NECTIN3: variants seen among roughly 807,000 people sequenced by gnomAD.
NECTIN3 encodes the protein nectin cell adhesion molecule 3.
Under a neutral mutation model 49.4 loss-of-function variants are expected in NECTIN3, and 8 were observed. That is an observed-to-expected ratio of 0.16 (90% confidence interval 0.10 to 0.29). NECTIN3 has a LOEUF of 0.29. Ranked by LOEUF, NECTIN3 falls within the 10% of genes least tolerant of loss-of-function variation. The probability of loss-of-function intolerance (pLI) is 1.00; values close to 1 mark genes in which losing one functional copy is unlikely to be tolerated. For missense variants in NECTIN3, 581 were observed against 654.6 expected (o/e 0.89, Z 1.23); for synonymous variants, 277 against 241.1 (o/e 1.15, Z -1.38).
intron 1 of NECTIN3, among the ~76,000 whole-genome samples, chr3:111,080,928 CTT>C (rs1157763673): frequency 6.6e-6 from 1 of 152,090 alleles, no homozygotes; most frequent in African/African-American, 2.4e-5. Flanking sequence ...AAAAATGAGA[CTT>C]TTGAGCTATG....
rs570240760 is a variant in NECTIN3 at position 111,099,502 on chromosome 3, A to G, written c.161-12528A>G. On this transcript the variant is annotated intron_variant, in intron 1 of 5. Transcript: ENST00000485303. ...AGTTCTTGGAATTTGTAGCTATACA[A>G]TCTTCTGTGTTGTAGAACATAGTAT... 4.6e-5 allele frequency among the ~76,000 whole-genome samples: 7 copies of G among 152,312 alleles called. No individual in the cohort carries two copies. The South Asian group carries it at 6.2e-4, about 14-fold the overall frequency.
intron 5 of NECTIN3, among the ~76,000 whole-genome samples, chr3:111,127,676 C>T (rs1202117803): frequency 6.6e-6 from 1 of 151,948 alleles, no homozygotes; most frequent in Non-Finnish European, 1.5e-5. Context: ...AGCAATCCTC[C>T]CACCTCAGCC....
chr3:111,147,584 C>T, intron 7 of NECTIN3: 4 of 1,021,918 alleles, frequency 3.9e-6, no homozygotes, highest in East Asian at 2.7e-5. Flanking sequence ...AGTCATTATG[C>T]ATTAAGTGTT....
At chr3:111,091,172 C>T (rs984514412) in intron 1 of NECTIN3, among the ~76,000 whole-genome samples, 1 of 152,124 alleles carries the variant, frequency 6.6e-6, no homozygotes, top group Non-Finnish European at 1.5e-5. Context: ...CACTAATTTA[C>T]TTCTTTGTCT....
chr3:111,174,726 G>C (rs1345684361), intron 7 of NECTIN3, among the ~76,000 whole-genome samples: 1 of 132,700 alleles, frequency 7.5e-6, no homozygotes. Context: ...CTGAGGTTTG[G>C]GGGGTGGGGG....
chr3:111,120,191 T>C (rs2033883470), intron 3 of NECTIN3, among the ~76,000 whole-genome samples: 3 of 152,176 alleles, frequency 2.0e-5, no homozygotes, highest in Non-Finnish European at 2.9e-5. Flanking sequence ...ATTTTGCATA[T>C]CCATATATGT....
At chr3:111,149,642 G>C (rs949256712) in intron 7 of NECTIN3, among the ~76,000 whole-genome samples, 2 of 151,670 alleles carry the variant, frequency 1.3e-5, no homozygotes, top group Non-Finnish European at 1.5e-5. Flanking sequence ...AGAAATGCCT[G>C]TTTAAAAATA....
chr3:111,084,221 C>T (rs993002314), intron 1 of NECTIN3, among the ~76,000 whole-genome samples: 5 of 151,236 alleles, frequency 3.3e-5, no homozygotes, highest in African/African-American at 4.9e-5. Flanking sequence ...TGTTCTTTAG[C>T]GATATAAGTG....
At chr3:111,132,325 A>C (rs564385668) in intron 5 of NECTIN3, among the ~76,000 whole-genome samples, 1 of 151,888 alleles carries the variant, frequency 6.6e-6, no homozygotes, top group Admixed American at 6.6e-5. Context: ...AATTTTTACC[A>C]CATTCTATAC....
intron 1 of NECTIN3, among the ~76,000 whole-genome samples, chr3:111,194,029 T>A (rs2035862862): frequency 6.6e-6 from 1 of 152,176 alleles, no homozygotes; most frequent in Non-Finnish European, 1.5e-5. Context: ...GATACATATC[T>A]CTTGCTGTTT....
upstream of NECTIN3, among the ~76,000 whole-genome samples, chr3:111,189,382 T>G (rs557342685): frequency 1.6e-3 from 242 of 152,302 alleles, 4 homozygotes; most frequent in Non-Finnish European, 3.4e-4. Context: ...ATTTAGGTTT[T>G]ATTATTATAA....
Position 111,160,496 on chromosome 3 carries a change from T to C in NECTIN3, c.1221+13012T>C, listed in dbSNP as rs114409560. Reference sequence around the variant, plus strand: ...AGTAAAAGGAAATAGCCAAACCCAGTTGGATTGGATTATCAAAATCAGTTA... The same window carrying C: ...AGTAAAAGGAAATAGCCAAACCCAGCTGGATTGGATTATCAAAATCAGTTA... On this transcript the variant is annotated intron_variant, in intron 7 of 8. Coordinates refer to the NECTIN3 transcript ENST00000493615. Among the ~76,000 whole-genome samples the C allele has an allele frequency of 1.4e-3, 207 of 152,306 alleles. 1 individual carries two copies. Among genetic ancestry groups the C allele is most frequent in the African/African-American group, 4.4e-3 (181 of 41,564 alleles).
upstream of NECTIN3, among the ~76,000 whole-genome samples, chr3:111,188,623 T>G (rs2035762302): frequency 6.6e-6 from 1 of 152,234 alleles, no homozygotes; most frequent in African/African-American, 2.4e-5. Context: ...GCTATGGCTC[T>G]TTAAAATCTG....
At chr3:111,186,890 T>C (rs897914067) in intron 7 of NECTIN3, among the ~76,000 whole-genome samples, 1 of 152,204 alleles carries the variant, frequency 6.6e-6, no homozygotes, top group Non-Finnish European at 1.5e-5. Context: ...AAGAATAATA[T>C]ATGCTGTGTA....
At chr3:111,137,920 A>G (rs1309831500), downstream of NECTIN3, among the ~76,000 whole-genome samples, 2 of 151,326 alleles carry the variant, frequency 1.3e-5, no homozygotes, top group South Asian at 4.1e-4. Flanking sequence ...TGCATTAACT[A>G]TAATATTTTA....
intron 1 of NECTIN3, among the ~76,000 whole-genome samples, chr3:111,099,847 A>G (rs1002718875): frequency 2.0e-5 from 3 of 152,162 alleles, no homozygotes; most frequent in Admixed American, 2.0e-4. Context: ...CTGGACCTCA[A>G]ACAATTTTAG....
Position 111,135,678 on chromosome 3 carries a change from TA to T in NECTIN3, c.*1464del. On this transcript the variant is annotated 3_prime_UTR_variant, in exon 6 of 6. Coordinates refer to ENST00000485303, the MANE Select transcript of NECTIN3 (RefSeq NM_015480.3). ...TTTTGTTAATAAAAAGGCAAAGTAG[TA>T]GGTACTTTTTAAACCCTCCCAACCA... 1.0e-6 allele frequency: 1 copy of T among 959,626 alleles called. No homozygotes were observed. The highest frequency in any genetic ancestry group is 1.2e-6 in the Non-Finnish European group (1 of 806,624). The allele number at this position is 959,626 out of a possible 1,614,324, so 59.4% of individuals were successfully genotyped here.
intron 1 of NECTIN3, among the ~76,000 whole-genome samples, chr3:111,081,438 CTG>C (rs1434691629): frequency 6.6e-6 from 1 of 152,158 alleles, no homozygotes; most frequent in Non-Finnish European, 1.5e-5. Flanking sequence ...ATGTCTTTCT[CTG>C]TGTATGTGTG....
chr3:111,089,028 T>C (rs2032097384), intron 1 of NECTIN3, among the ~76,000 whole-genome samples: 1 of 152,164 alleles, frequency 6.6e-6, no homozygotes, highest in African/African-American at 2.4e-5. Context: ...ATTTTGGCAC[T>C]TAGCATTTTT....
Sources: gnomAD v4.1 joint callset for allele counts (sites outside exome capture counted in the v4.1 genomes callset) on GRCh38, gnomAD v4.1.1 for gene constraint, MANE v1.5 for transcripts, NCBI Gene and HGNC (gene_info 2026-07-23, HGNC 2026-07-21) for gene names.